SMARCC1: variants seen among roughly 807,000 people sequenced by gnomAD.
The protein encoded by SMARCC1 is SWI/SNF complex subunit SMARCC1.
In SMARCC1, 43 loss-of-function variants were observed where a neutral mutation model predicts 147.4. That is an observed-to-expected ratio of 0.29 (90% CI 0.23 to 0.38). The LOEUF is 0.38. SMARCC1 is among the 10% of genes least tolerant of loss of function. The pLI is 1.00. For synonymous variants in SMARCC1, 495 were observed against 484.4 expected (o/e 1.02, Z -0.29); for missense variants, 1,119 against 1,381.1 (o/e 0.81, Z 3.01).
intron 21 of SMARCC1, among the ~76,000 whole-genome samples, chr3:47,655,820 T>G (rs966026056): frequency 6.6e-6 from 1 of 152,198 alleles, no homozygotes; most frequent in East Asian, 1.9e-4. Context: ...ATGACACCTA[T>G]AGTTCTTTAA....
At chr3:47,645,309 A>C (rs1054645676) in intron 21 of SMARCC1, among the ~76,000 whole-genome samples, 1 of 152,086 alleles carries the variant, frequency 6.6e-6, no homozygotes, top group Non-Finnish European at 1.5e-5. Context: ...AAAAAAAAAA[A>C]AAACCAACCC....
intron 7 of SMARCC1, among the ~76,000 whole-genome samples, chr3:47,718,566 T>C (rs1352487607): frequency 6.6e-6 from 1 of 151,634 alleles, no homozygotes; most frequent in African/African-American, 2.4e-5. Context: ...TAAAAAAAAG[T>C]GGGGGGTAGG....
At chr3:47,703,505 T>C (rs972873917) in intron 10 of SMARCC1, among the ~76,000 whole-genome samples, 1 of 151,920 alleles carries the variant, frequency 6.6e-6, no homozygotes, top group Non-Finnish European at 1.5e-5. Flanking sequence ...CTGGCAAAAA[T>C]AAATAAATAA....
At chr3:47,647,777 G>A (rs1051695989) in intron 21 of SMARCC1, among the ~76,000 whole-genome samples, 4 of 152,168 alleles carry the variant, frequency 2.6e-5, no homozygotes, top group Non-Finnish European at 4.4e-5. Flanking sequence ...GCAATACACA[G>A]TCCAAGCTCA....
intron 26 of SMARCC1, among the ~76,000 whole-genome samples, chr3:47,605,723 T>C (rs972894389): frequency 1.3e-5 from 2 of 152,168 alleles, no homozygotes; most frequent in African/African-American, 4.8e-5. Flanking sequence ...CAGTGAGCCC[T>C]GATAATGTCA....
At chr3:47,643,037 C>A (rs2106712166) in intron 21 of SMARCC1, among the ~76,000 whole-genome samples, 1 of 152,234 alleles carries the variant, frequency 6.6e-6, no homozygotes, top group Non-Finnish European at 1.5e-5. Flanking sequence ...CAGAGCGAGA[C>A]CCTGTCTGAA....
intron 25 of SMARCC1, chr3:47,610,631 G>A (rs912447185): frequency 2.9e-5 from 11 of 373,594 alleles, no homozygotes; most frequent in Admixed American, 1.5e-4. Flanking sequence ...TCCCCTCTAT[G>A]TTTGGCAGGC....
chr3:47,678,546 T>A (rs1286586547), intron 15 of SMARCC1, among the ~76,000 whole-genome samples: 3 of 152,244 alleles, frequency 2.0e-5, no homozygotes, highest in African/African-American at 7.2e-5. Flanking sequence ...GACATTAATG[T>A]GAAGTAACAT....
At position 47,781,821 on chromosome 3, in the gene SMARCC1, G is replaced by C. The variant is rs778042428; in HGVS notation, c.-24C>G. 11 of 1,354,396 alleles carry C rather than the reference G, an allele frequency of 8.1e-6. No homozygotes were observed. In the South Asian group the frequency reaches 2.0e-4, roughly 25 times the overall value. 83.9% of individuals were successfully genotyped at this position (1,354,396 alleles called of 1,614,324 possible). A position where few individuals can be genotyped will look rare whatever the true frequency, so the allele number is the denominator to read the frequency against. ...ATCGTCGCAGCCCGTCGTCCCCACA[G>C]CCTGGCCCACCCCGGCCCTCGCGGT... On this transcript the variant is annotated 5_prime_UTR_variant, in exon 1 of 28. Transcript: ENST00000254480.
chr3:47,631,955 G>A (rs1559630104), intron 24 of SMARCC1, among the ~76,000 whole-genome samples: 2 of 152,252 alleles, frequency 1.3e-5, no homozygotes, highest in Middle Eastern at 3.4e-3. Flanking sequence ...GTGCCAAGTC[G>A]TGCAGCATGA....
intron 2 of SMARCC1, among the ~76,000 whole-genome samples, chr3:47,767,632 G>C (rs2034856110): frequency 6.8e-6 from 1 of 147,322 alleles, no homozygotes; most frequent in Non-Finnish European, 1.5e-5. Context: ...CACCTTGGGA[G>C]GCCGAGGCGG....
chr3:47,664,295 T>A (rs780398662), intron 19 of SMARCC1, among the ~76,000 whole-genome samples: 3 of 151,814 alleles, frequency 2.0e-5, no homozygotes, highest in Non-Finnish European at 2.9e-5. Context: ...ATGAGAGAAC[T>A]CAAAGACCCA....
intron 14 of SMARCC1, among the ~76,000 whole-genome samples, chr3:47,682,158 G>A (rs971728599): frequency 2.0e-5 from 3 of 151,822 alleles, no homozygotes; most frequent in African/African-American, 4.8e-5. Context: ...AGCCGGGCAT[G>A]GTGTTGGGTG....
intron 7 of SMARCC1, among the ~76,000 whole-genome samples, chr3:47,716,668 C>T (rs1210239209): frequency 6.6e-6 from 1 of 152,176 alleles, no homozygotes; most frequent in African/African-American, 2.4e-5. Context: ...TGTAGCTTGT[C>T]ATCATAAATT....
intron 24 of SMARCC1, among the ~76,000 whole-genome samples, chr3:47,626,038 C>T (rs1308962434): frequency 6.6e-6 from 1 of 152,116 alleles, no homozygotes; most frequent in African/African-American, 2.4e-5. Flanking sequence ...CCTATAGTCC[C>T]AGCTACTCAG....
intron 8 of SMARCC1, among the ~76,000 whole-genome samples, chr3:47,711,089 T>G (rs111241834): frequency 1.3e-4 from 20 of 152,304 alleles, no homozygotes; most frequent in African/African-American, 4.6e-4. Flanking sequence ...CTTATGTTCA[T>G]GAAAATCACT....
chr3:47,602,055 T>C (rs1283725597), intron 26 of SMARCC1, among the ~76,000 whole-genome samples: 1 of 151,946 alleles, frequency 6.6e-6, no homozygotes, highest in Non-Finnish European at 1.5e-5. Context: ...GGTTAGAAAG[T>C]GGTGATTGGT....
At chr3:47,654,408 CA>C (rs1253637132) in intron 21 of SMARCC1, among the ~76,000 whole-genome samples, 1 of 152,184 alleles carries the variant, frequency 6.6e-6, no homozygotes, top group Non-Finnish European at 1.5e-5. Flanking sequence ...AGTTAATTTT[CA>C]AACTAAGAAT....
intron 3 of SMARCC1, among the ~76,000 whole-genome samples, chr3:47,739,755 A>T (rs953169309): frequency 6.6e-6 from 1 of 152,090 alleles, no homozygotes; most frequent in African/African-American, 2.4e-5. Flanking sequence ...CCACACTTCC[A>T]ATCTTTCTTT....
Sources: gnomAD v4.1 joint callset for allele counts (sites outside exome capture counted in the v4.1 genomes callset) on GRCh38, gnomAD v4.1.1 for gene constraint, MANE v1.5 for transcripts, NCBI Gene and HGNC (gene_info 2026-07-23, HGNC 2026-07-21) for gene names.